The following ZMYND8 variants were observed in gnomAD, a reference collection of about 807,000 sequenced individuals.
The protein encoded by ZMYND8 is zinc finger MYND-type containing 8, also known as MYND-type zinc finger-containing chromatin reader ZMYND8.
In ZMYND8, 37 loss-of-function variants were observed where a neutral mutation model predicts 140.8. The observed-to-expected ratio is 0.26, with a 90% confidence interval of 0.20 to 0.35. The LOEUF (loss-of-function observed/expected upper bound fraction) is 0.35. Among genes scored for constraint, ZMYND8 ranks in the 10% least tolerant of loss-of-function variants. ZMYND8 has a pLI of 1.00. For synonymous variants in ZMYND8, 592 were observed against 597.1 expected (o/e 0.99, Z 0.12); for missense variants, 1,068 against 1,570.0 (o/e 0.68, Z 5.40).
At chr20:47,246,878 T>C (rs1398049816) in intron 13 of ZMYND8, among the ~76,000 whole-genome samples, 2 of 152,194 alleles carry the variant, frequency 1.3e-5, no homozygotes, top group East Asian at 1.9e-4. Context: ...TTCAAACTGA[T>C]CCAATTTACA....
At chr20:47,217,084 G>A (rs751373516) in intron 21 of ZMYND8, among the ~76,000 whole-genome samples, 1 of 152,144 alleles carries the variant, frequency 6.6e-6, no homozygotes, top group East Asian at 1.9e-4. Context: ...GAAGGGCCTG[G>A]GAGACTGGGT....
At chr20:47,238,495 A>T in intron 15 of ZMYND8, 2 of 573,690 alleles carry the variant, frequency 3.5e-6, no homozygotes. Flanking sequence ...ACTTTTATGT[A>T]AAACTTTCTG....
In ZMYND8 at chr20:47,245,492, C is replaced by A. The variant is rs149020146; in HGVS notation, c.2284+516G>T. On this transcript the variant is annotated intron_variant, in intron 14 of 22. Transcript: ENST00000471951. ...AACTCCTGACCTCAAATGATCCACC[C>A]GCCTCGGCCTCCCCAAGTGCTGGGA... is the stretch of plus-strand genomic sequence containing the variant. Among the ~76,000 whole-genome samples the A allele has an allele frequency of 5.1e-3, 778 of 152,214 alleles. 8 individuals carry two copies. The highest frequency in any genetic ancestry group is 0.018 in the African/African-American group (742 of 41,498).
At chr20:47,286,221 A>G (rs1018247999) in intron 8 of ZMYND8, among the ~76,000 whole-genome samples, 6 of 150,392 alleles carry the variant, frequency 4.0e-5, no homozygotes, top group African/African-American at 1.5e-4. Flanking sequence ...TCTATCACCC[A>G]GTCTGGAGTG....
chr20:47,236,275 G>A (rs1279317488), intron 16 of ZMYND8, 51 bp downstream of exon 16: 1 of 1,610,072 alleles, frequency 6.2e-7, no homozygotes. Flanking sequence ...CAAGATTCTG[G>A]CATCCTGCCA....
At position 47,314,436 on chromosome 20, in the gene ZMYND8, T is replaced by C. The variant is rs554889222; in HGVS notation, c.86-4232A>G. ...ATCACTTGGCGCCAGGAGGCAGAGG[T>C]TGCAGTGAGCCAAGATTGCACCACT... On this transcript the variant is annotated intron_variant, in intron 2 of 22. Transcript: ENST00000471951. Among the ~76,000 whole-genome samples the C allele has an allele frequency of 7.2e-5, 11 of 152,206 alleles. No individual in the cohort carries two copies. In the South Asian group the frequency reaches 2.1e-3, roughly 29 times the overall value.
intron 10 of ZMYND8, among the ~76,000 whole-genome samples, chr20:47,277,863 G>A (rs2076354265): frequency 1.3e-5 from 2 of 151,996 alleles, no homozygotes; most frequent in Non-Finnish European, 2.9e-5. Flanking sequence ...TAGAGACGGT[G>A]TTTCACTATA....
chr20:47,310,988 C>T (rs747900199), intron 2 of ZMYND8, among the ~76,000 whole-genome samples: 3 of 152,100 alleles, frequency 2.0e-5, no homozygotes, highest in Non-Finnish European at 4.4e-5. Flanking sequence ...CAAAGAAATA[C>T]GACTTGTCCA....
intron 2 of ZMYND8, among the ~76,000 whole-genome samples, chr20:47,321,167 A>T (rs557597958): frequency 3.3e-4 from 51 of 152,310 alleles, no homozygotes; most frequent in African/African-American, 1.2e-3. Context: ...GACAATATTT[A>T]TGGAACACTC....
chr20:47,339,213 C>G (rs1309160200), intron 2 of ZMYND8, among the ~76,000 whole-genome samples: 1 of 151,872 alleles, frequency 6.6e-6, no homozygotes, highest in Non-Finnish European at 1.5e-5. Flanking sequence ...ACCTTGTGAT[C>G]CGCCCGCCTC....
At chr20:47,334,103 A>T (rs892095016) in intron 2 of ZMYND8, among the ~76,000 whole-genome samples, 1 of 152,118 alleles carries the variant, frequency 6.6e-6, no homozygotes, top group African/African-American at 2.4e-5. Context: ...AATAGTGTTG[A>T]CTCTCTCATG....
chr20:47,237,109 G>C (rs895577426), intron 15 of ZMYND8, among the ~76,000 whole-genome samples: 1 of 151,070 alleles, frequency 6.6e-6, no homozygotes. Flanking sequence ...TTACTTTGGC[G>C]TAAGACAATC....
intron 3 of ZMYND8, among the ~76,000 whole-genome samples, chr20:47,308,878 A>G (rs528504663): frequency 6.6e-6 from 1 of 152,134 alleles, no homozygotes; most frequent in African/African-American, 2.4e-5. Flanking sequence ...ATCTCGTTTA[A>G]TTCAACTTTC....
intron 3 of ZMYND8, among the ~76,000 whole-genome samples, chr20:47,303,802 T>C (rs894075368): frequency 6.6e-6 from 1 of 152,106 alleles, no homozygotes; most frequent in African/African-American, 2.4e-5. Context: ...TCCTCCAAAA[T>C]TAAGTTTCTC....
intron 11 of ZMYND8, among the ~76,000 whole-genome samples, chr20:47,272,601 C>T (rs1042202229): frequency 1.3e-5 from 2 of 152,298 alleles, no homozygotes; most frequent in Admixed American, 1.3e-4. Flanking sequence ...CCACTTAGGC[C>T]ACCTAGCTAG....
chr20:47,283,996 C>T (rs957508033), intron 8 of ZMYND8, among the ~76,000 whole-genome samples: 8 of 152,100 alleles, frequency 5.3e-5, no homozygotes, highest in African/African-American at 1.9e-4. Flanking sequence ...GATCTGGGCT[C>T]ATTGCAACTT....
chr20:47,282,332 AAG>A (rs1397792112), intron 9 of ZMYND8, 115 bp from the exon 10 acceptor site: 5 of 830,832 alleles, frequency 6.0e-6, no homozygotes, highest in Non-Finnish European at 9.4e-6. Context: ...TGAGTGGAAA[AAG>A]AGTTTCAAGC....
chr20:47,345,668 C>A, intron 2 of ZMYND8, among the ~76,000 whole-genome samples: 1 of 152,050 alleles, frequency 6.6e-6, no homozygotes. Context: ...CTGCCACGCC[C>A]AGATAATTTT....
At chr20:47,268,940 C>T (rs1334105883) in intron 11 of ZMYND8, among the ~76,000 whole-genome samples, 2 of 152,126 alleles carry the variant, frequency 1.3e-5, no homozygotes, top group Non-Finnish European at 2.9e-5. Flanking sequence ...GTGGCTCACA[C>T]CTGTAATCCC....
Sources: gnomAD v4.1 joint callset for allele counts (sites outside exome capture counted in the v4.1 genomes callset) on GRCh38, gnomAD v4.1.1 for gene constraint, MANE v1.5 for transcripts, NCBI Gene and HGNC (gene_info 2026-07-23, HGNC 2026-07-21) for gene names.